The following FKBP4 variants were observed in gnomAD, a reference collection of about 807,000 sequenced individuals.
The protein encoded by FKBP4 is FKBP prolyl isomerase 4.
A neutral mutation model predicts 54.1 loss-of-function variants in FKBP4; 28 were observed. The observed-to-expected ratio is 0.52, with a 90% CI of 0.38 to 0.71. The LOEUF (loss-of-function observed/expected upper bound fraction) is 0.71, where lower values mean the gene tolerates loss of function less well. Ranked by LOEUF, FKBP4 falls within the 30% of genes least tolerant of loss-of-function variation. The pLI, the probability that FKBP4 is intolerant of heterozygous loss-of-function variation, is 0.00. For synonymous variants in FKBP4, 223 were observed against 216.1 expected (o/e 1.03, Z -0.28); for missense variants, 493 against 574.4 (o/e 0.86, Z 1.45).
rs1457704841 is a variant in FKBP4 at position 2,798,250 on chromosome 12, T to C, written c.393+379T>C. ...GAGGGAGCAGTAGCTCCCCTGTGGGTCAAGGGCTGAGAAAAGGCTTCACTG... is the reference window on the plus strand; with the variant it reads ...GAGGGAGCAGTAGCTCCCCTGTGGGCCAAGGGCTGAGAAAAGGCTTCACTG... On this transcript the variant is annotated intron_variant, in intron 3 of 9. Transcript: ENST00000001008. The surrounding 1 kb of genome is among the most constrained non-coding windows in gnomAD (Gnocchi z 4.3). Among the ~76,000 whole-genome samples the C allele has an allele frequency of 6.6e-6, 1 of 152,132 alleles. No homozygotes were observed. Among genetic ancestry groups the C allele is most frequent in the Non-Finnish European group, 1.5e-5 (1 of 68,028 alleles).
chr12:2,800,433 C>T lies in FKBP4; in HGVS notation c.888C>T (p.Ile296=), dbSNP rs751800526. ...YKQALLQYKK[I]VSWLEYESSF... ...AAGCTTTACTACAGTATAAGAAGAT[C>T]GTGTCTTGGCTGGAATATGAGTCTA... is the stretch of plus-strand genomic sequence containing the variant. Residue 296 remains isoleucine, a synonymous_variant, in exon 8 of 10, where the codon ATC becomes ATT. Transcript: ENST00000001008. 14 of 1,613,732 alleles carry T rather than the reference C, an allele frequency of 8.7e-6. No homozygotes were observed. In the East Asian group the frequency reaches 1.3e-4, roughly 15 times the overall value.
Position 2,795,826 on chromosome 12 carries a change from C to G in FKBP4, c.105+582C>G, listed in dbSNP as rs1307360769. On this transcript the variant is annotated intron_variant, in intron 1 of 9. Coordinates refer to ENST00000001008, the MANE Select transcript of FKBP4 (RefSeq NM_002014.4). This position sits in a 1 kb window ranked among gnomAD's most constrained non-coding sequence, Gnocchi z 4.3. ...AGGGTTCCGGCGCCCTCCCGGGGTC[C>G]CCTGCCGACGCCGGGACCCAGCGAG... 4.9e-6 allele frequency: 2 copies of G among 411,094 alleles called. No homozygotes were observed. Among genetic ancestry groups the G allele is most frequent in the East Asian group, 3.2e-4 (2 of 6,288 alleles). The allele number at this position is 411,094 out of a possible 1,614,324, so 25.5% of individuals were successfully genotyped here.
chr12:2,803,543 G>C lies in FKBP4; in HGVS notation c.*285G>C, dbSNP rs2097906007. 3.0e-6 allele frequency: 1 copy of C among 328,870 alleles called. No homozygotes were observed. Among genetic ancestry groups the C allele is most frequent in the Non-Finnish European group, 5.9e-6 (1 of 170,810 alleles). The allele number at this position is 328,870 out of a possible 1,614,324, so 20.4% of individuals were successfully genotyped here. A position where few individuals can be genotyped will look rare whatever the true frequency, so the allele number is the denominator to read the frequency against. On this transcript the variant is annotated 3_prime_UTR_variant, in exon 10 of 10. Transcript: ENST00000001008. Reference sequence around the variant, plus strand: ...TTAATTTATTTTGCTCCCTCTGTTAGGTCCATTTTCTAAGGGTAGAAGAGG... The same window carrying C: ...TTAATTTATTTTGCTCCCTCTGTTACGTCCATTTTCTAAGGGTAGAAGAGG...
chr12:2,797,719 G>A lies in FKBP4; in HGVS notation c.251-10G>A. On this transcript the variant is annotated splice_polypyrimidine_tract_variant and intron_variant, in intron 2 of 9. Transcript: ENST00000001008. ...TGCTAAGGCGGTCCTGTTTGCTTCTGTACCTGCAGGGGAGGTCATCAAGGC... is the reference window on the plus strand; with the variant it reads ...TGCTAAGGCGGTCCTGTTTGCTTCTATACCTGCAGGGGAGGTCATCAAGGC... The A allele has an allele frequency of 6.2e-7, 1 of 1,608,226 alleles. No individual in the cohort carries two copies. The highest frequency in any genetic ancestry group is 8.5e-7 in the Non-Finnish European group (1 of 1,175,928).
At position 2,805,000 on chromosome 12, in the gene FKBP4, CTT is replaced by C. The variant is rs572830281; in HGVS notation, c.*1743_*1744del. On this transcript the variant is annotated 3_prime_UTR_variant, in exon 10 of 10. Coordinates refer to ENST00000001008, the MANE Select transcript of FKBP4 (RefSeq NM_002014.4). ...TGTTTGTGGTTTGTGTCTGGGTCCT[CTT>C]GGTATTTCAAAAGTAGTAGATTCTT... is the stretch of plus-strand genomic sequence containing the variant. The C allele has an allele frequency of 6.4e-6, 2 of 310,634 alleles. No individual in the cohort carries two copies. Among genetic ancestry groups the C allele is most frequent in the Non-Finnish European group, 1.3e-5 (2 of 157,868 alleles). 19.2% of individuals were successfully genotyped at this position (310,634 alleles called of 1,614,324 possible). A position where few individuals can be genotyped will look rare whatever the true frequency, so the allele number is the denominator to read the frequency against.
At chr12:2,802,506 T>C (rs2097905415) in intron 9 of FKBP4, among the ~76,000 whole-genome samples, 1 of 152,228 alleles carries the variant, frequency 6.6e-6, no homozygotes, top group African/African-American at 2.4e-5. Context: ...TTCAAAATTT[T>C]CTGGTAACCA....
intron 9 of FKBP4, chr12:2,801,644 T>A (rs1163239520): frequency 1.9e-6 from 1 of 523,600 alleles, no homozygotes; most frequent in Non-Finnish European, 3.7e-6. Flanking sequence ...ATCCCAGCAC[T>A]TTGCAGAGCC....
chr12:2,797,553 T>C (rs1278666326), intron 2 of FKBP4, among the ~76,000 whole-genome samples, 176 bp from the exon 3 acceptor site: 2 of 152,124 alleles, frequency 1.3e-5, no homozygotes, highest in African/African-American at 4.8e-5. Context: ...CACGTGATCT[T>C]TTACAGTTCT....
In FKBP4 at chr12:2,795,110, G is replaced by T; in HGVS notation, c.-30G>T. The T allele has an allele frequency of 7.8e-7, 1 of 1,276,066 alleles. No homozygotes were observed. Among genetic ancestry groups the T allele is most frequent in the Non-Finnish European group, 1.0e-6 (1 of 998,018 alleles). The allele number at this position is 1,276,066 out of a possible 1,614,324, so 79.0% of individuals were successfully genotyped here. On this transcript the variant is annotated 5_prime_UTR_variant, in exon 1 of 10. Transcript: ENST00000001008. The surrounding 1 kb of genome is among the most constrained non-coding windows in gnomAD (Gnocchi z 4.3). ...CCAGAGTGCGCTCGCGCCGGCACCA[G>T]CTCCCGGATAAACGGCGCGCCGCGC...
Position 2,797,824 on chromosome 12 carries a change from G to A in FKBP4, c.346G>A (p.Ala116Thr). The A allele has an allele frequency of 6.2e-7, 1 of 1,614,122 alleles. No individual in the cohort carries two copies. The highest frequency in any genetic ancestry group is 8.5e-7 in the Non-Finnish European group (1 of 1,179,994). The part of the protein sequence containing the change: ...TCKPEYAYGS[A>T]GSPPKIPPNA... Reference sequence around the variant, plus strand: ...CAAACCAGAATATGCCTACGGTTCAGCAGGCAGTCCTCCAAAGATTCCCCC... The same window carrying A: ...CAAACCAGAATATGCCTACGGTTCAACAGGCAGTCCTCCAAAGATTCCCCC... Residue 116 changes from alanine to threonine, a missense_variant, in exon 3 of 10, where the codon GCA becomes ACA. Coordinates refer to ENST00000001008, the MANE Select transcript of FKBP4 (RefSeq NM_002014.4).
At chr12:2,803,110 A>G (rs1412924877) in intron 9 of FKBP4, 41 bp from the exon 10 acceptor site, 8 of 1,390,136 alleles carry the variant, frequency 5.8e-6, no homozygotes, top group Non-Finnish European at 1.0e-6. Flanking sequence ...GTGTTTTTTC[A>G]CTTGGGAAGT....
rs779395342 is a variant in FKBP4 at position 2,797,178 on chromosome 12, T to C, written c.146T>C (p.Ile49Thr). The C allele has an allele frequency of 3.0e-5, 48 of 1,613,344 alleles. No homozygotes were observed. Among genetic ancestry groups the C allele is most frequent in the Non-Finnish European group, 3.8e-5 (45 of 1,179,852 alleles). Residue 49 changes from isoleucine to threonine, a missense_variant, in exon 2 of 10, where the codon ATT (isoleucine) becomes ACT (threonine). Coordinates refer to ENST00000001008, the MANE Select transcript of FKBP4 (RefSeq NM_002014.4). ...REGTGTEMPM[I>T]GDRVFVHYTG... The stretch of plus-strand genomic sequence containing the variant: ...GGCACAGGTACAGAGATGCCCATGA[T>C]TGGGGACCGAGTCTTTGTCCACTAC...
At position 2,800,194 on chromosome 12, in the gene FKBP4, C is replaced by T; in HGVS notation, c.846+72C>T. 4 of 1,533,976 alleles carry T rather than the reference C, an allele frequency of 2.6e-6. No homozygotes were observed. The South Asian group carries it at 4.5e-5, about 17-fold the overall frequency. On this transcript the variant is annotated intron_variant, in intron 7 of 9. Coordinates refer to ENST00000001008, the MANE Select transcript of FKBP4 (RefSeq NM_002014.4). Reference sequence around the variant, plus strand: ...TCTGAGCCTCCCCTTCCCTTGGTGACTGAGATCATTTTCTGCCAAGAAGTG... The same window carrying T: ...TCTGAGCCTCCCCTTCCCTTGGTGATTGAGATCATTTTCTGCCAAGAAGTG...
rs2097901038 is a variant in FKBP4 at position 2,795,300 on chromosome 12, C to T, written c.105+56C>T. Reference sequence around the variant, plus strand: ...GGAACCCGGGGCCCCGCGGGCCGCCCTTCCGCCGCGCCCGGAGCCCGCGGC... The same window carrying T: ...GGAACCCGGGGCCCCGCGGGCCGCCTTTCCGCCGCGCCCGGAGCCCGCGGC... On this transcript the variant is annotated intron_variant, in intron 1 of 9. Coordinates refer to ENST00000001008, the MANE Select transcript of FKBP4 (RefSeq NM_002014.4). The surrounding 1 kb of genome is among the most constrained non-coding windows in gnomAD (Gnocchi z 4.3). The T allele has an allele frequency of 3.0e-6, 3 of 989,504 alleles. No individual in the cohort carries two copies. The highest frequency in any genetic ancestry group is 1.7e-5 in the African/African-American group (1 of 57,312). 61.3% of individuals were successfully genotyped at this position (989,504 alleles called of 1,614,324 possible).
At chr12:2,800,701 T>A in intron 8 of FKBP4, 124 bp downstream of exon 8, 1 of 983,868 alleles carries the variant, frequency 1.0e-6, no homozygotes, top group Non-Finnish European at 1.5e-6. Flanking sequence ...GTGGGAGCTC[T>A]GAGGTTACAG....
intron 9 of FKBP4, chr12:2,801,867 T>TG (rs2097904980): frequency 7.1e-6 from 2 of 281,814 alleles, no homozygotes; most frequent in Admixed American, 4.7e-5. Context: ...CAGAAGCAGC[T>TG]GCCCCTTCAG....
chr12:2,796,143 A>T (rs994350783), intron 1 of FKBP4: 6 of 1,251,590 alleles, frequency 4.8e-6, no homozygotes, highest in African/African-American at 1.5e-5. Flanking sequence ...CCTGCGTCTT[A>T]TGCCTTCTCC....
In FKBP4 at chr12:2,801,335, GC is replaced by G; in HGVS notation, c.1252del (p.Leu418TrpfsTer23). On this transcript the variant is annotated frameshift_variant, in exon 9 of 10. Coordinates refer to ENST00000001008, the MANE Select transcript of FKBP4 (RefSeq NM_002014.4). LOFTEE classifies it low-confidence loss of function (END_TRUNC). ...AGCTCTATGCCAATATGTTTGAGAG[GC>G]TGGCTGAGGAGGAGAACAAGGTGAG... is the stretch of plus-strand genomic sequence containing the variant. ...KKLYANMFER[L>X]AEEENKAKAE... 6.2e-7 allele frequency: 1 copy of G among 1,614,188 alleles called. No homozygotes were observed. The highest frequency in any genetic ancestry group is 8.5e-7 in the Non-Finnish European group (1 of 1,180,030).
At chr12:2,800,273 C>A (rs1012328219) in intron 7 of FKBP4, 119 bp from the exon 8 acceptor site, 2 of 1,375,678 alleles carry the variant, frequency 1.5e-6, no homozygotes, top group Non-Finnish European at 2.0e-6. Flanking sequence ...GCTGGCCTTG[C>A]CAGTGGGAAG....
Sources: allele counts gnomAD v4.1 joint callset (sites outside exome capture counted in the v4.1 genomes callset), GRCh38; gene constraint gnomAD v4.1.1; non-coding constraint Gnocchi (gnomAD v3.1); transcripts MANE v1.5; gene names NCBI Gene and HGNC (gene_info 2026-07-23, HGNC 2026-07-21).